SPIDR: variants seen among roughly 807,000 people sequenced by gnomAD.
SPIDR encodes DNA repair-scaffolding protein.
Under a neutral mutation model 104.6 loss-of-function variants are expected in SPIDR, and 93 were observed. That is an observed-to-expected ratio of 0.89 (90% CI 0.75 to 1.06). SPIDR has a LOEUF of 1.06. Among genes scored for constraint, SPIDR ranks in the 50% least tolerant of loss-of-function variants. The probability of loss-of-function intolerance (pLI) is 0.00; values close to 1 mark genes in which losing one functional copy is unlikely to be tolerated. For synonymous variants in SPIDR, 431 were observed against 416.9 expected (o/e 1.03, Z -0.41); for missense variants, 1,154 against 1,111.2 (o/e 1.04, Z -0.55).
chr8:47,527,059 G>C (rs535001534), intron 8 of SPIDR, among the ~76,000 whole-genome samples: 1 of 152,120 alleles, frequency 6.6e-6, no homozygotes, highest in African/African-American at 2.4e-5. Context: ...CTTGGAGAGA[G>C]GGGGCACACT....
At chr8:47,420,796 T>C (rs2065295782) in intron 7 of SPIDR, among the ~76,000 whole-genome samples, 1 of 152,256 alleles carries the variant, frequency 6.6e-6, no homozygotes, top group South Asian at 2.1e-4. Flanking sequence ...AGGAGCTCTT[T>C]TAGGGCAGGC....
chr8:47,479,741 A>C lies in SPIDR; in HGVS notation c.1097+39199A>C, dbSNP rs558518984. 4.1e-4 allele frequency among the ~76,000 whole-genome samples: 63 copies of C among 152,344 alleles called. 1 individual carries two copies. The highest frequency in any genetic ancestry group is 1.4e-3 in the African/African-American group (57 of 41,572). Reference sequence around the variant, plus strand: ...CTTGTCAGAAAGGAATTTGCTACACATTCTAGTGGAAAGTTCTTGTAGACT... The same window carrying C: ...CTTGTCAGAAAGGAATTTGCTACACCTTCTAGTGGAAAGTTCTTGTAGACT... On this transcript the variant is annotated intron_variant, in intron 8 of 19. Transcript: ENST00000297423.
At chr8:47,496,682 G>GTAATACTATTGACCTCAT (rs1554745087) in intron 8 of SPIDR, among the ~76,000 whole-genome samples, 3 of 146,034 alleles carry the variant, frequency 2.1e-5, no homozygotes, top group African/African-American at 7.6e-5. Flanking sequence ...TGGTGTGAGA[G>GTAATACTATTGACCTCAT]TAATACTATT....
At chr8:47,658,084 A>G (rs962846930) in intron 10 of SPIDR, among the ~76,000 whole-genome samples, 1 of 151,370 alleles carries the variant, frequency 6.6e-6, no homozygotes, top group Non-Finnish European at 1.5e-5. Flanking sequence ...CAAAAGAGGT[A>G]TCTTTGAAAA....
intron 10 of SPIDR, among the ~76,000 whole-genome samples, chr8:47,658,564 GT>G (rs781381050): frequency 1.3e-5 from 2 of 151,866 alleles, no homozygotes; most frequent in Non-Finnish European, 2.9e-5. Flanking sequence ...TGTTGTTGTT[GT>G]TGTTGTTGTT....
chr8:47,661,741 T>TA (rs2074142254), intron 10 of SPIDR, among the ~76,000 whole-genome samples: 1 of 152,184 alleles, frequency 6.6e-6, no homozygotes, highest in African/African-American at 2.4e-5. Flanking sequence ...TCTCTATAGA[T>TA]ACACAAAGAT....
In SPIDR at chr8:47,279,730, A is replaced by G. The variant is rs967308078; in HGVS notation, c.34-132A>G. ...TTGCTCTTTATGTGAAGATTTAGAGACATTCAAAAACTATACCTTTACTGA... is the reference window on the plus strand; with the variant it reads ...TTGCTCTTTATGTGAAGATTTAGAGGCATTCAAAAACTATACCTTTACTGA... On this transcript the variant is annotated intron_variant, in intron 1 of 19. Coordinates refer to ENST00000297423, the MANE Select transcript of SPIDR (RefSeq NM_001080394.4). The G allele has an allele frequency of 1.3e-5, 11 of 824,002 alleles. No homozygotes were observed. In the Admixed American group the frequency reaches 3.2e-4, roughly 24 times the overall value. The allele number at this position is 824,002 out of a possible 1,614,324, so 51.0% of individuals were successfully genotyped here.
At chr8:47,438,280 A>G (rs1380969053) in intron 7 of SPIDR, among the ~76,000 whole-genome samples, 1 of 152,194 alleles carries the variant, frequency 6.6e-6, no homozygotes, top group African/African-American at 2.4e-5. Context: ...AGGCCTGTGC[A>G]TTGCTGGGAA....
intron 10 of SPIDR, chr8:47,673,287 T>A (rs2076019442): frequency 2.7e-6 from 1 of 374,026 alleles, no homozygotes; most frequent in East Asian, 7.5e-5. Context: ...GGTTTTATCC[T>A]GCTGGGATAT....
intron 10 of SPIDR, among the ~76,000 whole-genome samples, chr8:47,618,485 A>G (rs2154433933): frequency 6.6e-6 from 1 of 152,322 alleles, no homozygotes; most frequent in Admixed American, 6.5e-5. Flanking sequence ...TTATTCAGCT[A>G]TAGATTTTAA....
chr8:47,372,886 C>T (rs906453856), intron 5 of SPIDR, among the ~76,000 whole-genome samples: 1 of 152,122 alleles, frequency 6.6e-6, no homozygotes, highest in Non-Finnish European at 1.5e-5. Context: ...GACAGTAAGG[C>T]TCAGAGACTT....
At position 47,696,021 on chromosome 8, in the gene SPIDR, C is replaced by A. The variant is rs1258838312; in HGVS notation, c.1686-4382C>A. 4.6e-5 allele frequency among the ~76,000 whole-genome samples: 7 copies of A among 152,278 alleles called. No individual in the cohort carries two copies. The East Asian group carries it at 1.4e-3, about 29-fold the overall frequency. ...CCCAGGACTTGCCCCATCCTCACTT[C>A]TGAGCTCATGAGTGATGCTGGGGCT... On this transcript the variant is annotated intron_variant, in intron 11 of 19. Coordinates refer to ENST00000297423, the MANE Select transcript of SPIDR (RefSeq NM_001080394.4).
chr8:47,627,148 G>A (rs990192546), intron 10 of SPIDR, among the ~76,000 whole-genome samples: 71 of 152,126 alleles, frequency 4.7e-4, no homozygotes, highest in Admixed American at 5.9e-4. Context: ...ACAAAAAACC[G>A]AACACCGCAT....
chr8:47,530,803 T>G (rs373147842), intron 8 of SPIDR, among the ~76,000 whole-genome samples: 1 of 152,196 alleles, frequency 6.6e-6, no homozygotes, highest in African/African-American at 2.4e-5. Flanking sequence ...TCTTAATTTT[T>G]TATCCTTTTG....
chr8:47,726,164 T>G (rs985930632), intron 16 of SPIDR, among the ~76,000 whole-genome samples: 2 of 152,274 alleles, frequency 1.3e-5, no homozygotes, highest in Non-Finnish European at 1.5e-5. Flanking sequence ...TGACCCACTT[T>G]GACAATGTCA....
chr8:47,587,375 GAGA>G (rs1443373583), intron 8 of SPIDR, among the ~76,000 whole-genome samples: 1 of 151,960 alleles, frequency 6.6e-6, no homozygotes, highest in Non-Finnish European at 1.5e-5. Flanking sequence ...AGGCAGAGAC[GAGA>G]AGATTACTTG....
chr8:47,698,443 T>G (rs1397586585), intron 11 of SPIDR, among the ~76,000 whole-genome samples: 5 of 152,254 alleles, frequency 3.3e-5, no homozygotes, highest in Admixed American at 3.3e-4. Context: ...AAGGCAACAG[T>G]GGCCATCCAA....
intron 4 of SPIDR, 25 bp from the exon 5 acceptor site, chr8:47,293,842 G>A (rs1043687583): frequency 2.0e-5 from 31 of 1,583,434 alleles, no homozygotes; most frequent in African/African-American, 5.4e-5. Flanking sequence ...AGATAATTAA[G>A]CAAGTTAAAA....
chr8:47,622,372 C>A (rs1301346078), intron 10 of SPIDR, among the ~76,000 whole-genome samples: 1 of 152,200 alleles, frequency 6.6e-6, no homozygotes, highest in Non-Finnish European at 1.5e-5. Flanking sequence ...GCTGTACAGC[C>A]TGTGACGTTC....
Sources: allele counts gnomAD v4.1 joint callset (sites outside exome capture counted in the v4.1 genomes callset), GRCh38; gene constraint gnomAD v4.1.1; transcripts MANE v1.5; gene names NCBI Gene and HGNC (gene_info 2026-07-23, HGNC 2026-07-21).